The following LINGO2 variants were observed in gnomAD, a reference collection of about 807,000 sequenced individuals.
LINGO2 encodes leucine-rich repeat and immunoglobulin-like domain-containing nogo receptor-interacting protein 2.
Under a neutral mutation model 30.6 loss-of-function variants are expected in LINGO2, and 14 were observed. The observed-to-expected ratio is 0.46, with a 90% CI of 0.30 to 0.72. The LOEUF is 0.72. Among genes scored for constraint, LINGO2 ranks in the 30% least tolerant of loss-of-function variants. The probability of loss-of-function intolerance (pLI) is 0.07; values close to 1 mark genes in which losing one functional copy is unlikely to be tolerated. For synonymous variants in LINGO2, 317 were observed against 288.5 expected (o/e 1.10, Z -1.00); for missense variants, 729 against 751.7 (o/e 0.97, Z 0.35).
the LINGO2 span, among the ~76,000 whole-genome samples, chr9:28,817,613 G>T: frequency 6.6e-6 from 1 of 152,142 alleles, no homozygotes; most frequent in African/African-American, 2.4e-5. Flanking sequence ...AGCTTGAAAA[G>T]TCTCAAGGAA....
intron 1 of LINGO2, among the ~76,000 whole-genome samples, chr9:28,569,009 T>C (rs1233417869): frequency 2.0e-5 from 3 of 147,016 alleles, no homozygotes; most frequent in Non-Finnish European, 2.9e-5. Flanking sequence ...AATGAATACA[T>C]ATAAAGGCAA....
At chr9:28,543,318 A>C (rs1821787753) in intron 1 of LINGO2, among the ~76,000 whole-genome samples, 4 of 152,122 alleles carry the variant, frequency 2.6e-5, no homozygotes. Context: ...AGAATAGCAT[A>C]TCTCTGGAAC....
intron 1 of LINGO2, among the ~76,000 whole-genome samples, chr9:28,587,392 C>A (rs1824608493): frequency 6.6e-6 from 1 of 152,044 alleles, no homozygotes; most frequent in African/African-American, 2.4e-5. Context: ...TGCTGCTCCT[C>A]TTCACCTTCC....
the LINGO2 span, among the ~76,000 whole-genome samples, chr9:29,126,563 A>T: frequency 6.6e-6 from 1 of 152,108 alleles, no homozygotes; most frequent in South Asian, 2.1e-4. Flanking sequence ...AAATGAGTTC[A>T]AGTAGTATCT....
chr9:29,069,722 T>C, the LINGO2 span, among the ~76,000 whole-genome samples: 12 of 152,064 alleles, frequency 7.9e-5, no homozygotes, highest in Non-Finnish European at 1.3e-4. Context: ...AATCTGTTAA[T>C]AGAGTTTGGT....
chr9:28,233,827 A>C (rs2133946607), intron 4 of LINGO2, among the ~76,000 whole-genome samples: 1 of 152,262 alleles, frequency 6.6e-6, no homozygotes, highest in Non-Finnish European at 1.5e-5. Context: ...TTTCTAGGCA[A>C]GTCCTGGGCA....
the LINGO2 span, among the ~76,000 whole-genome samples, chr9:29,185,099 C>A: frequency 7.2e-5 from 11 of 152,084 alleles, no homozygotes; most frequent in African/African-American, 2.4e-4. Context: ...ACTCATACAA[C>A]CATTACAGAC....
chr9:28,967,879 T>A, the LINGO2 span, among the ~76,000 whole-genome samples: 1 of 152,174 alleles, frequency 6.6e-6, no homozygotes, highest in African/African-American at 2.4e-5. Flanking sequence ...TTATGCAACT[T>A]CTTGATCATT....
chr9:28,550,653 T>G (rs1445289349), intron 1 of LINGO2, among the ~76,000 whole-genome samples: 1 of 151,854 alleles, frequency 6.6e-6, no homozygotes, highest in Non-Finnish European at 1.5e-5. Context: ...CAATTGAACT[T>G]ATCTTTGAAT....
At chr9:28,640,153 C>G (rs1827500826) in intron 1 of LINGO2, among the ~76,000 whole-genome samples, 1 of 152,096 alleles carries the variant, frequency 6.6e-6, no homozygotes, top group Non-Finnish European at 1.5e-5. Context: ...GTGGCCCCCA[C>G]TCTCTTCTGG....
the LINGO2 span, among the ~76,000 whole-genome samples, chr9:28,876,856 C>A: frequency 6.6e-6 from 1 of 152,066 alleles, no homozygotes; most frequent in Non-Finnish European, 1.5e-5. Context: ...AACTAGTTTG[C>A]AGTCCCACCA....
chr9:28,932,351 T>A, the LINGO2 span, among the ~76,000 whole-genome samples: 1 of 152,064 alleles, frequency 6.6e-6, no homozygotes, highest in Non-Finnish European at 1.5e-5. Context: ...ATAACTGGAA[T>A]TCCTTCTCTC....
intron 2 of LINGO2, among the ~76,000 whole-genome samples, chr9:28,432,815 T>A (rs10968594): frequency 6.6e-6 from 1 of 151,940 alleles, no homozygotes; most frequent in Non-Finnish European, 1.5e-5. Flanking sequence ...AATAAAACAT[T>A]GCAGATAAAA....
At chr9:28,947,184 T>A in the LINGO2 span, among the ~76,000 whole-genome samples, 2 of 152,022 alleles carry the variant, frequency 1.3e-5, no homozygotes, top group Non-Finnish European at 2.9e-5. Flanking sequence ...TACATCTATA[T>A]AGATATAGAT....
intron 1 of LINGO2, among the ~76,000 whole-genome samples, chr9:28,568,067 G>C (rs1823479284): frequency 6.6e-6 from 1 of 152,060 alleles, no homozygotes; most frequent in African/African-American, 2.4e-5. Context: ...TGTGACATCA[G>C]CAAGGTGGCA....
chr9:28,603,134 G>T (rs541751582), intron 1 of LINGO2, among the ~76,000 whole-genome samples: 2 of 152,100 alleles, frequency 1.3e-5, no homozygotes, highest in African/African-American at 4.8e-5. Flanking sequence ...TGAAAATACA[G>T]GATGACATGT....
intron 1 of LINGO2, among the ~76,000 whole-genome samples, chr9:28,515,441 C>T (rs1001922700): frequency 1.3e-5 from 2 of 152,052 alleles, no homozygotes; most frequent in South Asian, 2.1e-4. Flanking sequence ...CTCCTGACGT[C>T]GTGATCCACC....
the LINGO2 span, among the ~76,000 whole-genome samples, chr9:29,093,484 TAACTA>T: frequency 1.5e-5 from 2 of 135,748 alleles, 1 homozygote; most frequent in Non-Finnish European, 3.2e-5. Flanking sequence ...TATCCTCTCT[TAACTA>T]TTCTATTTTA....
At chr9:28,925,801 C>T in the LINGO2 span, among the ~76,000 whole-genome samples, 1 of 152,144 alleles carries the variant, frequency 6.6e-6, no homozygotes, top group South Asian at 2.1e-4. Context: ...TGCTTTCATT[C>T]ACAGAAGCTC....
Sources: allele counts gnomAD v4.1 joint callset (sites outside exome capture counted in the v4.1 genomes callset), GRCh38; gene constraint gnomAD v4.1.1; transcripts MANE v1.5; gene names NCBI Gene and HGNC (gene_info 2026-07-23, HGNC 2026-07-21).